Variants in RAB41 observed in about 807,000 individuals in gnomAD.
RAB41 encodes the protein ras-related protein Rab-41.
In RAB41, 15 loss-of-function variants were observed where a neutral mutation model predicts 19.0. That is an observed-to-expected ratio of 0.79 (90% CI 0.53 to 1.21). RAB41 has a LOEUF of 1.21. RAB41 is among the 50% of genes most tolerant of loss of function. The pLI is 0.00. For missense variants in RAB41, 177 were observed against 179.7 expected, an observed-to-expected ratio of 0.99 and a Z score of 0.09; for synonymous variants, 73 against 64.7, an observed-to-expected ratio of 1.13 and a Z score of -0.62.
At chrX:70,283,913 T>TA in intron 5 of RAB41, 37 bp from the exon 6 acceptor site, 1 of 1,004,648 alleles carries the variant, frequency 1.0e-6, no homozygotes, top group Non-Finnish European at 1.4e-6. Flanking sequence ...CCATATCCAA[T>TA]AACTCTGGCC....
In RAB41 at chrX:70,284,317, C is replaced by A; in HGVS notation, c.601C>A (p.Pro201Thr). The A allele has an allele frequency of 8.3e-7, 1 of 1,208,971 alleles. No homozygotes were observed. ...TCTTTCCACAAGGACTTCACCTCCACCAAAAGAGGGGAGTATCCTTTTTCC... is the reference window on the plus strand; with the variant it reads ...TCTTTCCACAAGGACTTCACCTCCAACAAAAGAGGGGAGTATCCTTTTTCC... ...ALLSTRTSPP[P>T]KEGTVEIELE... Residue 201 changes from proline (P) to threonine (T), a missense_variant, in exon 7 of 8, where the codon CCA becomes ACA. By Grantham distance (38) the Pro-to-Thr change is conservative. Transcript: ENST00000374473.
chrX:70,283,119 G>T, intron 3 of RAB41, 149 bp from the exon 4 acceptor site: 3 of 506,149 alleles, frequency 5.9e-6, no homozygotes, highest in East Asian at 7.2e-5. Flanking sequence ...AGGACTATAG[G>T]CCATTTGGTC....
Position 70,284,682 on chromosome X carries a change from A to C in RAB41, c.*39A>C, listed in dbSNP as rs984603605. 2.6e-5 allele frequency: 29 copies of C among 1,117,296 alleles called. No individual in the cohort carries two copies. In the East Asian group the frequency reaches 8.1e-4, roughly 31 times the overall value. The allele number at this position is 1,117,296 out of a possible 1,213,427, so 92.1% of individuals were successfully genotyped here. Reference sequence around the variant, plus strand: ...CTCTGCCTCATTTGATGGATTTCTTACATTTGGGCTTGCCATACCAGTTCT... The same window carrying C: ...CTCTGCCTCATTTGATGGATTTCTTCCATTTGGGCTTGCCATACCAGTTCT... On this transcript the variant is annotated 3_prime_UTR_variant, in exon 8 of 8. Coordinates refer to ENST00000374473, the MANE Select transcript of RAB41 (RefSeq NM_001363807.1).
rs757930917 is a variant in RAB41 at position 70,282,360 on chromosome X, C to G, written c.124+19C>G. 2 of 1,208,634 alleles carry G rather than the reference C, an allele frequency of 1.7e-6. No individual in the cohort carries two copies. Among genetic ancestry groups the G allele is most frequent in the Admixed American group, 4.4e-5 (2 of 45,976 alleles). Reference sequence around the variant, plus strand: ...CAGAGCGGTGTGGGTCTGGGTTGGGCTTTGGGGACATGGAGGTGTAATTGG... The same window carrying G: ...CAGAGCGGTGTGGGTCTGGGTTGGGGTTTGGGGACATGGAGGTGTAATTGG... On this transcript the variant is annotated intron_variant, in intron 1 of 7. Coordinates refer to ENST00000374473, the MANE Select transcript of RAB41 (RefSeq NM_001363807.1).
chrX:70,284,573 T>C lies in RAB41; in HGVS notation c.614-15T>C. On this transcript the variant is annotated splice_polypyrimidine_tract_variant and intron_variant, in intron 7 of 7. Coordinates refer to ENST00000374473, the MANE Select transcript of RAB41 (RefSeq NM_001363807.1). ...AGTCACCTCACTGTATTAGCTTCCT[T>C]GACACACACTTCAGCGGTTGAAATC... 8.3e-7 allele frequency: 1 copy of C among 1,205,208 alleles called. No individual in the cohort carries two copies. The highest frequency in any genetic ancestry group is 1.1e-6 in the Non-Finnish European group (1 of 889,742).
intron 3 of RAB41, 96 bp from the exon 4 acceptor site, chrX:70,283,172 C>A: frequency 1.4e-6 from 1 of 721,782 alleles, no homozygotes; most frequent in Non-Finnish European, 2.1e-6. Flanking sequence ...GTCTACCTGA[C>A]CTTTTGTATT....
intron 5 of RAB41, 140 bp downstream of exon 5, chrX:70,283,764 G>T (rs1029160509): frequency 3.7e-6 from 2 of 543,903 alleles, no homozygotes; most frequent in Non-Finnish European, 6.3e-6. Flanking sequence ...GGAAGGACAG[G>T]GGGGCGTCCC....
In RAB41 at chrX:70,282,836, T is replaced by C; in HGVS notation, c.218T>C (p.Met73Thr). Residue 73 changes from methionine (M) to threonine (T), a missense_variant, in exon 3 of 8, where the codon ATG (methionine) becomes ACG (threonine). Transcript: ENST00000374473. ...GGAATTGACTTCTTGTCTAAGACCA[T>C]GTACTTGGAGGACCAAATAGTGAGT... is the stretch of plus-strand genomic sequence containing the variant. ...TVGIDFLSKT[M>T]YLEDQIVQLQ... 3 of 1,209,473 alleles carry C rather than the reference T, an allele frequency of 2.5e-6. No homozygotes were observed. Among genetic ancestry groups the C allele is most frequent in the East Asian group, 3.0e-5 (1 of 33,849 alleles).
At chrX:70,284,120 AGCTTG>A in intron 6 of RAB41, 77 bp downstream of exon 6, 6 of 973,529 alleles carry the variant, frequency 6.2e-6, no homozygotes, top group Non-Finnish European at 8.7e-6. Context: ...CTTTTGGATA[AGCTTG>A]GCTTATCTTT....
In RAB41 at chrX:70,283,435, A is replaced by C. The variant is rs150006000; in HGVS notation, c.343+62A>C. The C allele has an allele frequency of 8.2e-4, 903 of 1,103,193 alleles. 8 individuals are homozygous for C. The African/African-American group carries it at 0.015, about 18-fold the overall frequency. 90.9% of individuals were successfully genotyped at this position (1,103,193 alleles called of 1,213,427 possible). ...TATAAAGGGATTGATAGGGAGATTG[A>C]CAAAATTAGCAGAGAGGAAGTGTTC... On this transcript the variant is annotated intron_variant, in intron 4 of 7. Coordinates refer to ENST00000374473, the MANE Select transcript of RAB41 (RefSeq NM_001363807.1).
At chrX:70,282,431 G>A (rs1299714237) in intron 1 of RAB41, 90 bp downstream of exon 1, 11 of 1,171,766 alleles carry the variant, frequency 9.4e-6, no homozygotes, top group East Asian at 9.0e-5. Flanking sequence ...GTTCCTCCTC[G>A]TTGGGAAAGA....
At chrX:70,284,227 C>CCCG in intron 6 of RAB41, 39 bp from the exon 7 acceptor site, 3 of 923,355 alleles carry the variant, frequency 3.2e-6, no homozygotes, top group Admixed American at 3.0e-5. Flanking sequence ...TTTTTTTCCC[C>CCCG]TTTTTTTTTT....
Position 70,283,998 on chromosome X carries a change from G to A in RAB41, c.504G>A (p.Val168=), listed in dbSNP as rs761709340. 8.3e-7 allele frequency: 1 copy of A among 1,207,246 alleles called. No individual in the cohort carries two copies. Among genetic ancestry groups the A allele is most frequent in the Admixed American group, 2.2e-5 (1 of 46,032 alleles). ...QGEEKSRNLN[V]MFIETSAKTG... is the part of the protein sequence containing the mutation. ...AAGAAAAATCCAGAAACCTCAATGT[G>A]ATGTTTATTGAGACCAGTGCCAAAA... Residue 168 remains valine, a synonymous_variant, in exon 6 of 8, where the codon GTG becomes GTA. Coordinates refer to ENST00000374473, the MANE Select transcript of RAB41 (RefSeq NM_001363807.1).
At chrX:70,283,750 G>A (rs902056824) in intron 5 of RAB41, 126 bp downstream of exon 5, 4 of 560,792 alleles carry the variant, frequency 7.1e-6, no homozygotes, top group Non-Finnish European at 1.2e-5. Context: ...AGCACTGCAG[G>A]ATGGGAAGGA....
chrX:70,284,357 T>C, intron 7 of RAB41, 28 bp downstream of exon 7: 1 of 1,179,369 alleles, frequency 8.5e-7, no homozygotes, highest in East Asian at 3.0e-5. Flanking sequence ...TTTGCTGGGG[T>C]AGGGAGTATA....
chrX:70,283,250 C>T lies in RAB41; in HGVS notation c.238-18C>T. ...TGTCTACCTTTCCCCCATCTTCTTC[C>T]TAAACATTTTTATGCAGGTTCAGCT... On this transcript the variant is annotated intron_variant, in intron 3 of 7. Transcript: ENST00000374473. 1 of 1,190,204 alleles carries T rather than the reference C, an allele frequency of 8.4e-7. No homozygotes were observed. Among genetic ancestry groups the T allele is most frequent in the Non-Finnish European group, 1.1e-6 (1 of 877,423 alleles).
chrX:70,284,245 C>T, intron 6 of RAB41, 21 bp from the exon 7 acceptor site: 2 of 1,188,293 alleles, frequency 1.7e-6, no homozygotes, highest in South Asian at 1.9e-5. Context: ...TTTTTTGGTC[C>T]CCATTCACAC....
intron 4 of RAB41, 32 bp downstream of exon 4, chrX:70,283,405 G>A (rs757299408): frequency 4.6e-5 from 52 of 1,140,867 alleles, no homozygotes; most frequent in Non-Finnish European, 6.0e-5. Flanking sequence ...ATTTGAAAAG[G>A]GGATTATAAA....
chrX:70,283,516 T>G lies in RAB41; in HGVS notation c.347T>G (p.Ile116Ser). 1 of 1,195,753 alleles carries G rather than the reference T, an allele frequency of 8.4e-7. No homozygotes were observed. The highest frequency in any genetic ancestry group is 1.1e-6 in the Non-Finnish European group (1 of 880,767). The part of the protein sequence containing the change: ...IAVVVYDITN[I>S]NSFKETDKWV... Reference sequence around the variant, plus strand: ...TCTGGAACATATTCTCTTGCAGACATCAATTCTTTTAAGGAGACAGATAAG... The same window carrying G: ...TCTGGAACATATTCTCTTGCAGACAGCAATTCTTTTAAGGAGACAGATAAG... The change falls in exon 5 of 8, where the codon ATC (isoleucine) becomes AGC (serine). Residue 116 changes from isoleucine to serine, a missense_variant. Transcript: ENST00000374473.
Sources: gnomAD v4.1 joint callset for allele counts on GRCh38, gnomAD v4.1.1 for gene constraint, MANE v1.5 for transcripts, NCBI Gene and HGNC (gene_info 2026-07-23, HGNC 2026-07-21) for gene names.